Variants in SRRM4 observed in about 807,000 individuals in gnomAD.
SRRM4 encodes the protein serine/arginine repetitive matrix protein 4.
In SRRM4, 33 loss-of-function variants were observed where a neutral mutation model predicts 68.9. The observed-to-expected ratio is 0.48, with a 90% CI of 0.36 to 0.64. The LOEUF is 0.64. SRRM4 is among the 30% of genes least tolerant of loss of function. SRRM4 has a pLI of 0.00. For missense variants in SRRM4, 817 were observed against 827.1 expected (o/e 0.99, Z 0.15); for synonymous variants, 318 against 318.8 (o/e 1.00, Z 0.03).
At chr12:119,141,187 C>A (rs1954362863) in intron 8 of SRRM4, among the ~76,000 whole-genome samples, 1 of 152,200 alleles carries the variant, frequency 6.6e-6, no homozygotes, top group Non-Finnish European at 1.5e-5. Context: ...AAGTAATCCA[C>A]CCACTTCGGC....
At chr12:119,042,194 C>T (rs1240241841) in intron 1 of SRRM4, among the ~76,000 whole-genome samples, 2 of 152,008 alleles carry the variant, frequency 1.3e-5, no homozygotes, top group African/African-American at 4.8e-5. Context: ...ATCTGACTAA[C>T]TGCCCTGTAA....
At chr12:119,072,455 G>A (rs1953883833) in intron 1 of SRRM4, among the ~76,000 whole-genome samples, 1 of 152,206 alleles carries the variant, frequency 6.6e-6, no homozygotes, top group Admixed American at 6.5e-5. Flanking sequence ...AGCAGGGAGG[G>A]AAGATCTATT....
intron 2 of SRRM4, among the ~76,000 whole-genome samples, chr12:119,108,754 T>C (rs1954124247): frequency 1.3e-5 from 2 of 152,204 alleles, no homozygotes; most frequent in Non-Finnish European, 2.9e-5. Flanking sequence ...AGCACATTGA[T>C]GGGTCTTGAC....
At chr12:118,982,098 C>T (rs1481481200) in intron 1 of SRRM4, 85 bp downstream of exon 1, 9 of 1,479,690 alleles carry the variant, frequency 6.1e-6, no homozygotes, top group Non-Finnish European at 8.1e-6. Context: ...TGGATGCAGG[C>T]AGCCGGGCCA....
intron 8 of SRRM4, among the ~76,000 whole-genome samples, chr12:119,139,060 C>G (rs2136062339): frequency 6.6e-6 from 1 of 152,268 alleles, no homozygotes; most frequent in South Asian, 2.1e-4. Context: ...CAGAGAGAAA[C>G]TCCCAATGCA....
At chr12:119,038,361 G>C (rs1005481658) in intron 1 of SRRM4, among the ~76,000 whole-genome samples, 3 of 151,838 alleles carry the variant, frequency 2.0e-5, no homozygotes, top group Non-Finnish European at 2.9e-5. Context: ...ACAGGCACCC[G>C]CCACCATGCC....
At position 119,156,493 on chromosome 12, in the gene SRRM4, A is replaced by G. The variant is rs774369552; in HGVS notation, c.1533-2A>G. On this transcript the variant is annotated splice_acceptor_variant, in intron 12 of 12. Coordinates refer to ENST00000267260, the MANE Select transcript of SRRM4 (RefSeq NM_194286.4). LOFTEE classifies it high-confidence loss of function. ...CATCCCTCCTCTCTCTGGTCTCTGCAGTGCCCGGAAACGCCCCATCCCCTA... is the reference window on the plus strand; with the variant it reads ...CATCCCTCCTCTCTCTGGTCTCTGCGGTGCCCGGAAACGCCCCATCCCCTA... 1 of 1,598,380 alleles carries G rather than the reference A, an allele frequency of 6.3e-7. No homozygotes were observed. The highest frequency in any genetic ancestry group is 1.1e-5 in the South Asian group (1 of 88,108).
intron 7 of SRRM4, among the ~76,000 whole-genome samples, chr12:119,129,743 GAATA>G (rs1161818759): frequency 1.7e-4 from 26 of 152,338 alleles, no homozygotes; most frequent in Non-Finnish European, 3.5e-4. Context: ...GTAAGAGAAT[GAATA>G]AATAAAGGAA....
rs374436502 is a variant in SRRM4 at position 119,045,373 on chromosome 12, G to A, written c.132-56863G>A. The stretch of plus-strand genomic sequence containing the variant: ...TTTTAACAGTATCTTTGATGAAAAC[G>A]CCTCCCTTCCATAAGGAGAAAGGGC... On this transcript the variant is annotated intron_variant, in intron 1 of 12. Coordinates refer to ENST00000267260, the MANE Select transcript of SRRM4 (RefSeq NM_194286.4). 2.1e-5 allele frequency among the ~76,000 whole-genome samples: 3 copies of A among 143,314 alleles called. No homozygotes were observed. In the South Asian group the frequency reaches 6.9e-4, roughly 33 times the overall value. 94.0% of individuals were successfully genotyped at this position (143,314 alleles called of 152,430 possible).
At chr12:119,001,184 C>G (rs1953381722) in intron 1 of SRRM4, 1 of 152,212 alleles carries the variant, frequency 6.6e-6, no homozygotes, top group Admixed American at 6.5e-5. Flanking sequence ...GGGACCCACC[C>G]TTATGGCATG....
rs76531836 is a variant in SRRM4, at chr12:119,029,588, T to C, written c.131+47575T>C. 9.8e-3 allele frequency among the ~76,000 whole-genome samples: 1,486 copies of C among 152,314 alleles called. 21 individuals are homozygous for C. The highest frequency in any genetic ancestry group is 0.032 in the African/African-American group (1,312 of 41,568). On this transcript the variant is annotated intron_variant, in intron 1 of 12. Transcript: ENST00000267260. ...GTCAAACAGAAGTGATCCTTGTCTTTCTGGTTGGCCTAAATCCATCTTGTT... is the reference window on the plus strand; with the variant it reads ...GTCAAACAGAAGTGATCCTTGTCTTCCTGGTTGGCCTAAATCCATCTTGTT...
At position 119,116,923 on chromosome 12, in the gene SRRM4, C is replaced by T. The variant is rs1954183771; in HGVS notation, c.366-14C>T. 6.2e-7 allele frequency: 1 copy of T among 1,613,144 alleles called. No individual in the cohort carries two copies. ...AGAGCCTCCTTCTGAAATGTGTCTT[C>T]TTGGCCCTGGCAGGTCCTCATCCTA... On this transcript the variant is annotated splice_polypyrimidine_tract_variant and intron_variant, in intron 3 of 12. Transcript: ENST00000267260.
rs1207095950 is a variant in SRRM4 at position 119,145,727 on chromosome 12, C to A, written c.1076+42C>A. On this transcript the variant is annotated intron_variant, in intron 9 of 12. Transcript: ENST00000267260. ...GGGTCGGGGGTAGACGGTCTCCCAC[C>A]TTAGCTCCACCTTCTCATGCTCTCA... 3 of 1,436,250 alleles carry A rather than the reference C, an allele frequency of 2.1e-6. No individual in the cohort carries two copies. In the East Asian group the frequency reaches 7.7e-5, roughly 37 times the overall value. The allele number at this position is 1,436,250 out of a possible 1,614,324, so 89.0% of individuals were successfully genotyped here.
intron 1 of SRRM4, among the ~76,000 whole-genome samples, chr12:119,044,460 T>G (rs1203567865): frequency 6.6e-6 from 1 of 152,088 alleles, no homozygotes; most frequent in Non-Finnish European, 1.5e-5. Context: ...GAGACAGGAC[T>G]CCAGGGAGGA....
intron 2 of SRRM4, among the ~76,000 whole-genome samples, chr12:119,106,219 G>A (rs1156456002): frequency 6.6e-6 from 1 of 152,102 alleles, no homozygotes; most frequent in Non-Finnish European, 1.5e-5. Context: ...TAGCCTTGTA[G>A]TATAGTTTGA....
intron 1 of SRRM4, among the ~76,000 whole-genome samples, chr12:119,021,574 C>T (rs986049533): frequency 6.6e-6 from 1 of 152,192 alleles, no homozygotes; most frequent in Non-Finnish European, 1.5e-5. Context: ...GCCAGATGTG[C>T]ATTTTGAGGA....
rs774425136 is a variant in SRRM4, at chr12:119,151,178, C to T, written c.1238C>T (p.Ser413Phe). 6.2e-7 allele frequency: 1 copy of T among 1,613,802 alleles called. No homozygotes were observed. Among genetic ancestry groups the T allele is most frequent in the African/African-American group, 1.3e-5 (1 of 75,052 alleles). ...HSSRSPNPRA[S>F]PRYTQSRSTS... ...TCCCGATCCCCAAATCCCAGGGCTT[C>T]CCCCAGGTACACCCAAAGCCGATCC... Residue 413 changes from serine to phenylalanine, a missense_variant, in exon 10 of 13, where the codon TCC becomes TTC. Ser to Phe is a radical substitution (Grantham distance 155). Transcript: ENST00000267260.
chr12:119,010,957 A>G (rs1315963299), intron 1 of SRRM4, among the ~76,000 whole-genome samples: 2 of 152,206 alleles, frequency 1.3e-5, no homozygotes, highest in Non-Finnish European at 2.9e-5. Flanking sequence ...TATTTTATAT[A>G]ATACATGTAG....
intron 1 of SRRM4, among the ~76,000 whole-genome samples, chr12:118,986,675 G>A (rs1213708755): frequency 6.6e-6 from 1 of 152,048 alleles, no homozygotes; most frequent in Non-Finnish European, 1.5e-5. Context: ...TGTCTGTCTG[G>A]GCAAGTAGAC....
Sources: allele counts gnomAD v4.1 joint callset (sites outside exome capture counted in the v4.1 genomes callset), GRCh38; gene constraint gnomAD v4.1.1; transcripts MANE v1.5; gene names NCBI Gene and HGNC (gene_info 2026-07-23, HGNC 2026-07-21).